Variants in VAV3 observed in about 807,000 individuals in gnomAD.
VAV3 encodes vav guanine nucleotide exchange factor 3.
Under a neutral mutation model 131.2 loss-of-function variants are expected in VAV3, and 94 were observed. The observed-to-expected ratio is 0.72, with a 90% CI of 0.61 to 0.85. The LOEUF (loss-of-function observed/expected upper bound fraction) is 0.85. VAV3 is among the 40% of genes least tolerant of loss of function. The probability of loss-of-function intolerance (pLI) is 0.00; values close to 1 mark genes in which losing one functional copy is unlikely to be tolerated. For synonymous variants in VAV3, 349 were observed against 342.0 expected (o/e 1.02, Z -0.22); for missense variants, 939 against 1,002.7 (o/e 0.94, Z 0.86).
intron 12 of VAV3, among the ~76,000 whole-genome samples, chr1:107,753,894 G>T (rs1436790260): frequency 1.3e-5 from 2 of 151,962 alleles, no homozygotes; most frequent in African/African-American, 2.4e-5. Flanking sequence ...TTTTTTAAAG[G>T]CTACACAGCT....
chr1:107,855,181 T>C (rs74605298), intron 2 of VAV3, among the ~76,000 whole-genome samples: 2,354 of 152,342 alleles, frequency 0.015, 46 homozygotes, highest in African/African-American at 0.044. Flanking sequence ...TCTGCCTATG[T>C]ACCCCAAAAC....
At chr1:107,877,861 G>A (rs1571081039) in intron 1 of VAV3, among the ~76,000 whole-genome samples, 1 of 151,970 alleles carries the variant, frequency 6.6e-6, no homozygotes, top group African/African-American at 2.4e-5. Flanking sequence ...AGTCTAGTGC[G>A]AGCCTAGTGT....
Position 107,755,427 on chromosome 1 carries a change from C to T in VAV3, c.1173G>A (p.Leu391=). The change falls in exon 12 of 27, where the codon TTG becomes TTA. Residue 391 remains leucine, a splice_region_variant and synonymous_variant. Transcript: ENST00000370056. ...GCTGGATGGAAAGATAATTACATACCAAATTCTCTATAGATAGCTGAAACT... is the reference window on the plus strand; with the variant it reads ...GCTGGATGGAAAGATAATTACATACTAAATTCTCTATAGATAGCTGAAACT... The part of the protein sequence containing the change: ...IKQFQLSIEN[L]NQPVLLFGRP... 1 of 1,604,442 alleles carries T rather than the reference C, an allele frequency of 6.2e-7. No individual in the cohort carries two copies. Among genetic ancestry groups the T allele is most frequent in the Non-Finnish European group, 8.5e-7 (1 of 1,171,554 alleles).
rs74512414 is a variant in VAV3 at position 107,852,198 on chromosome 1, T to C, written c.321+22703A>G. On this transcript the variant is annotated intron_variant, in intron 2 of 26. Transcript: ENST00000370056. ...CGTTTTCAATGGGACTATATATTTT[T>C]CCCTTATGAGGATGATGAAATTCCC... Among the ~76,000 whole-genome samples, 1,135 of 152,282 alleles carry C rather than the reference T, an allele frequency of 7.5e-3. 14 individuals carry two copies. Among genetic ancestry groups the C allele is most frequent in the African/African-American group, 0.017 (689 of 41,556 alleles).
At chr1:107,633,665 C>T (rs4914950) in intron 20 of VAV3, among the ~76,000 whole-genome samples, 56,040 of 151,922 alleles carry the variant, frequency 0.37, 10,742 homozygotes, top group East Asian at 0.48. Context: ...CAAAAAAAAG[C>T]GGCAAAAGTA....
intron 14 of VAV3, 93 bp from the exon 15 acceptor site, chr1:107,749,170 C>T: frequency 1.1e-6 from 1 of 947,800 alleles, no homozygotes; most frequent in Admixed American, 2.8e-5. Context: ...AAACTCCTCA[C>T]AATATTATCA....
chr1:107,714,813 A>G (rs1660997461), intron 15 of VAV3, among the ~76,000 whole-genome samples: 1 of 152,154 alleles, frequency 6.6e-6, no homozygotes, highest in South Asian at 2.1e-4. Context: ...GAAATGAATA[A>G]ATACTTTCAA....
At chr1:107,631,592 G>C (rs992616075) in intron 20 of VAV3, among the ~76,000 whole-genome samples, 1 of 149,020 alleles carries the variant, frequency 6.7e-6, no homozygotes, top group South Asian at 2.2e-4. Flanking sequence ...TCGTCATTTA[G>C]CATTAGGTAT....
chr1:107,887,212 C>T (rs540730611), intron 1 of VAV3, among the ~76,000 whole-genome samples: 3 of 152,232 alleles, frequency 2.0e-5, no homozygotes, highest in Non-Finnish European at 2.9e-5. Flanking sequence ...ATGAGGACTG[C>T]GCTCTTACCC....
At chr1:107,582,679 C>T (rs1169279000) in intron 25 of VAV3, among the ~76,000 whole-genome samples, 5 of 150,524 alleles carry the variant, frequency 3.3e-5, no homozygotes, top group East Asian at 4.0e-4. Flanking sequence ...TTTTTGTTCT[C>T]GCGATAGTTT....
intron 20 of VAV3, among the ~76,000 whole-genome samples, chr1:107,631,584 G>C (rs928146368): frequency 8.0e-5 from 12 of 149,272 alleles, no homozygotes; most frequent in African/African-American, 1.2e-4. Context: ...CCATTAACTC[G>C]TCATTTAGCA....
intron 15 of VAV3, among the ~76,000 whole-genome samples, chr1:107,716,618 C>T (rs1319383203): frequency 6.6e-6 from 1 of 152,190 alleles, no homozygotes; most frequent in African/African-American, 2.4e-5. Flanking sequence ...TTTTGATGTG[C>T]TGCTGGATTC....
At chr1:107,764,521 T>A (rs974731381) in intron 9 of VAV3, among the ~76,000 whole-genome samples, 1 of 152,230 alleles carries the variant, frequency 6.6e-6, no homozygotes, top group Non-Finnish European at 1.5e-5. Context: ...AGTAAACATC[T>A]TTTTTATTTT....
chr1:107,692,332 T>C (rs1466084931), intron 17 of VAV3, among the ~76,000 whole-genome samples: 2 of 152,186 alleles, frequency 1.3e-5, no homozygotes, highest in Non-Finnish European at 1.5e-5. Flanking sequence ...GGGGCTCTAA[T>C]AGGAATACAA....
chr1:107,856,039 T>A (rs1170030418), intron 2 of VAV3, among the ~76,000 whole-genome samples: 2 of 152,194 alleles, frequency 1.3e-5, no homozygotes, highest in Non-Finnish European at 2.9e-5. Context: ...CAGCTGGGCA[T>A]GTTCTGAGTA....
At chr1:107,888,052 T>C (rs1183828938) in intron 1 of VAV3, among the ~76,000 whole-genome samples, 1 of 151,946 alleles carries the variant, frequency 6.6e-6, no homozygotes, top group East Asian at 1.9e-4. Flanking sequence ...GACTTAAGAA[T>C]AGTGTGTTAA....
intron 19 of VAV3, among the ~76,000 whole-genome samples, chr1:107,678,914 ATAT>A (rs1420074678): frequency 6.6e-6 from 1 of 152,084 alleles, no homozygotes; most frequent in African/African-American, 2.4e-5. Context: ...CAAAAATAGT[ATAT>A]AATATTTAAA....
chr1:107,596,345 T>C lies in VAV3; in HGVS notation c.2221-4A>G, dbSNP rs765993566. The C allele has an allele frequency of 6.2e-7, 1 of 1,609,500 alleles. No individual in the cohort carries two copies. The highest frequency in any genetic ancestry group is 8.5e-7 in the Non-Finnish European group (1 of 1,178,310). Reference sequence around the variant, plus strand: ...GCTTGTAGTACTCCACAAGTTCCTTTGGAAAAAAGAATCCAACATATTTTT... The same window carrying C: ...GCTTGTAGTACTCCACAAGTTCCTTCGGAAAAAAGAATCCAACATATTTTT... On this transcript the variant is annotated splice_region_variant and splice_polypyrimidine_tract_variant and intron_variant, in intron 24 of 26. Coordinates refer to ENST00000370056, the MANE Select transcript of VAV3 (RefSeq NM_006113.5).
At chr1:107,917,196 T>C (rs1672665756) in intron 1 of VAV3, among the ~76,000 whole-genome samples, 3 of 152,022 alleles carry the variant, frequency 2.0e-5, no homozygotes, top group Non-Finnish European at 4.4e-5. Flanking sequence ...ACGCAAGAGA[T>C]GAGAACCTGT....
Sources: gnomAD v4.1 joint callset for allele counts (sites outside exome capture counted in the v4.1 genomes callset) on GRCh38, gnomAD v4.1.1 for gene constraint, MANE v1.5 for transcripts, NCBI Gene and HGNC (gene_info 2026-07-23, HGNC 2026-07-21) for gene names.